LAMA4: variants seen among roughly 807,000 people sequenced by gnomAD.
LAMA4 encodes laminin subunit alpha-4.
A neutral mutation model predicts 207.1 loss-of-function variants in LAMA4; 127 were observed. That is an observed-to-expected ratio of 0.61 (90% CI 0.53 to 0.71). The LOEUF is 0.71. Ranked by LOEUF, LAMA4 falls within the 30% of genes least tolerant of loss-of-function variation. The probability of loss-of-function intolerance (pLI) is 0.00; values close to 1 mark genes in which losing one functional copy is unlikely to be tolerated. For missense variants in LAMA4, 2,093 were observed against 2,246.5 expected, an observed-to-expected ratio of 0.93 and a Z score of 1.38; for synonymous variants, 761 against 816.0, an observed-to-expected ratio of 0.93 and a Z score of 1.15.
chr6:112,212,302 C>T (rs1784395195), intron 3 of LAMA4, among the ~76,000 whole-genome samples: 1 of 151,134 alleles, frequency 6.6e-6, no homozygotes, highest in African/African-American at 2.4e-5. Flanking sequence ...TGGCTTACTG[C>T]AACCTCCACT....
At chr6:112,135,311 G>T (rs1554331236) in intron 25 of LAMA4, among the ~76,000 whole-genome samples, 1 of 152,134 alleles carries the variant, frequency 6.6e-6, no homozygotes, top group Non-Finnish European at 1.5e-5. Context: ...GACCCCTATT[G>T]TATTCCCAAG....
At position 112,129,936 on chromosome 6, in the gene LAMA4, G is replaced by A. The variant is rs1554329055; in HGVS notation, c.4073C>T (p.Ser1358Leu). Residue 1358 changes from serine (S) to leucine (L), a missense_variant, in exon 30 of 39, where the codon TCA becomes TTA. By Grantham distance (145) the Ser-to-Leu change is moderately radical (BLOSUM62 -2). This residue lies in a region of LAMA4 where 1,704 missense variants were observed against 1,788.4 expected (regional missense o/e 0.95). Coordinates refer to ENST00000230538, the MANE Select transcript of LAMA4 (RefSeq NM_001105206.3). ...ATTAGCATACTGAGCACTGATTGGT[G>A]AGCCACCGAAGTAAAACTTCTTTTC... ...ASEKKFYFGG[S>L]PISAQYANFT... 6.2e-7 allele frequency: 1 copy of A among 1,612,942 alleles called. No homozygotes were observed. Among genetic ancestry groups the A allele is most frequent in the Admixed American group, 1.7e-5 (1 of 59,858 alleles).
chr6:112,166,915 G>C (rs971404), intron 12 of LAMA4, among the ~76,000 whole-genome samples: 1 of 151,900 alleles, frequency 6.6e-6, no homozygotes, highest in African/African-American at 2.4e-5. Flanking sequence ...AACAGCAACA[G>C]CAACAAAAAC....
intron 2 of LAMA4, among the ~76,000 whole-genome samples, chr6:112,237,649 G>A (rs1377250590): frequency 6.6e-6 from 1 of 152,220 alleles, no homozygotes; most frequent in Admixed American, 6.5e-5. Flanking sequence ...GGTCTCTGCA[G>A]AGACTTCTCT....
At position 112,117,232 on chromosome 6, in the gene LAMA4, G is replaced by A. The variant is rs1778072739; in HGVS notation, c.4981+507C>T. Among the ~76,000 whole-genome samples the A allele has an allele frequency of 1.3e-5, 2 of 152,104 alleles. No homozygotes were observed. Among genetic ancestry groups the A allele is most frequent in the South Asian group, 2.1e-4 (1 of 4,818 alleles). ...TGTTATGTCCCATCATCTGGCATAGGGACTGCCTTATGGGAGGCATACAAT... is the reference window on the plus strand; with the variant it reads ...TGTTATGTCCCATCATCTGGCATAGAGACTGCCTTATGGGAGGCATACAAT... On this transcript the variant is annotated intron_variant, in intron 35 of 38. Transcript: ENST00000230538. The surrounding 1 kb of genome is among the most constrained non-coding windows in gnomAD (Gnocchi z 4.5).
In LAMA4 at chr6:112,254,523, C is replaced by G. The variant is rs1334727508; in HGVS notation, c.-206G>C. ...GCCAGCGCTAGGCCACCTCCTCTCCCTGGCCGTTCGGGACTGGGGACTGCG... is the reference window on the plus strand; with the variant it reads ...GCCAGCGCTAGGCCACCTCCTCTCCGTGGCCGTTCGGGACTGGGGACTGCG... On this transcript the variant is annotated 5_prime_UTR_variant, in exon 1 of 39. Coordinates refer to ENST00000230538, the MANE Select transcript of LAMA4 (RefSeq NM_001105206.3). The G allele has an allele frequency of 2.5e-5, 9 of 358,722 alleles. No homozygotes were observed. The East Asian group carries it at 6.4e-4, about 26-fold the overall frequency. 22.2% of individuals were successfully genotyped at this position (358,722 alleles called of 1,614,324 possible).
chr6:112,246,090 T>C (rs1786899600), intron 2 of LAMA4, among the ~76,000 whole-genome samples: 2 of 152,198 alleles, frequency 1.3e-5, no homozygotes, highest in African/African-American at 2.4e-5. Context: ...CAAACATCTG[T>C]GGTTAAACTT....
intron 8 of LAMA4, chr6:112,186,752 AT>A (rs1562708597): frequency 4.5e-6 from 2 of 449,048 alleles, no homozygotes; most frequent in Non-Finnish European, 8.9e-6. Flanking sequence ...TTGTTGCATT[AT>A]TTTTTATTGT....
intron 5 of LAMA4, chr6:112,200,002 G>A (rs1554351668): frequency 8.6e-6 from 4 of 463,860 alleles, no homozygotes; most frequent in African/African-American, 6.1e-5. Flanking sequence ...TAAACACAAT[G>A]GTGAGGCCAA....
chr6:112,152,200 T>C (rs1269848725), intron 16 of LAMA4, among the ~76,000 whole-genome samples: 1 of 152,140 alleles, frequency 6.6e-6, no homozygotes, highest in Admixed American at 6.5e-5. Context: ...TTTTCTATTT[T>C]CTAGAAGAGC....
chr6:112,133,948 T>G (rs1178887146), intron 26 of LAMA4, among the ~76,000 whole-genome samples: 25 of 152,334 alleles, frequency 1.6e-4, no homozygotes, highest in African/African-American at 6.0e-4. Context: ...ACACAGGTCT[T>G]CAGACTTTTA....
rs1554334147 is a variant in LAMA4 at position 112,144,868 on chromosome 6, G to T, written c.2419C>A (p.Pro807Thr). 3.1e-6 allele frequency: 5 copies of T among 1,613,908 alleles called. No homozygotes were observed. The highest frequency in any genetic ancestry group is 1.3e-5 in the African/African-American group (1 of 74,940). Residue 807 changes from proline (P) to threonine (T), a missense_variant, in exon 19 of 39, where the codon CCT (proline) becomes ACT (threonine). Pro to Thr is a conservative substitution (Grantham distance 38). Coordinates refer to ENST00000230538, the MANE Select transcript of LAMA4 (RefSeq NM_001105206.3). ...DQLRTVEQKR[P>T]ASNVSASIQR... ...ATGCTGGCAGAAACGTTGCTTGCAG[G>T]TCGCTTCTGCTCAACCGTACGAAGC...
chr6:112,250,263 A>T (rs1787343553), intron 2 of LAMA4, among the ~76,000 whole-genome samples: 1 of 152,234 alleles, frequency 6.6e-6, no homozygotes, highest in African/African-American at 2.4e-5. Flanking sequence ...AAGAAAGCAG[A>T]TGGTTAAAGA....
At chr6:112,131,328 A>G (rs188667547) in intron 28 of LAMA4, among the ~76,000 whole-genome samples, 121 of 152,254 alleles carry the variant, frequency 7.9e-4, no homozygotes, top group Middle Eastern at 3.4e-3. Context: ...TATATTTCCA[A>G]CTGAAAATTT....
chr6:112,191,497 C>T, intron 6 of LAMA4, 139 bp downstream of exon 6: 2 of 704,058 alleles, frequency 2.8e-6, no homozygotes, highest in East Asian at 5.4e-5. Flanking sequence ...GATGCATATT[C>T]CTGAGAATGT....
Position 112,254,264 on chromosome 6 carries a change from T to A in LAMA4, c.-114A>T. Reference sequence around the variant, plus strand: ...TATTTTCCCTCCTCTCCGTGTGCAGTATCCCGAGGTGGCTGCGCAACCAGC... The same window carrying A: ...TATTTTCCCTCCTCTCCGTGTGCAGAATCCCGAGGTGGCTGCGCAACCAGC... On this transcript the variant is annotated 5_prime_UTR_variant, in exon 2 of 39. Coordinates refer to ENST00000230538, the MANE Select transcript of LAMA4 (RefSeq NM_001105206.3). The A allele has an allele frequency of 7.5e-7, 1 of 1,337,118 alleles. No homozygotes were observed. The highest frequency in any genetic ancestry group is 1.1e-6 in the Non-Finnish European group (1 of 946,594). 82.8% of individuals were successfully genotyped at this position (1,337,118 alleles called of 1,614,324 possible).
At chr6:112,241,190 T>TATGAATATATAG (rs1786471864) in intron 2 of LAMA4, among the ~76,000 whole-genome samples, 1 of 140,544 alleles carries the variant, frequency 7.1e-6, no homozygotes, top group African/African-American at 2.6e-5. Flanking sequence ...TGAATATATA[T>TATGAATATATAG]GAATATATAT....
At chr6:112,212,805 C>T (rs1162025160) in intron 3 of LAMA4, among the ~76,000 whole-genome samples, 1 of 152,182 alleles carries the variant, frequency 6.6e-6, no homozygotes, top group Non-Finnish European at 1.5e-5. Context: ...TAATCAGTTT[C>T]TTCCTGTTCT....
Position 112,148,187 on chromosome 6 carries a change from T to C in LAMA4, c.2323A>G (p.Asn775Asp). ...TCCCTAGCAGAGTTCACTGCAGTGT[T>C]GTAAGCAGAAGAGTCAAAATGTTGA... ...NLQHFDSSAY[N>D]TAVNSARDAV... The change falls in exon 18 of 39, where the codon AAC becomes GAC. Residue 775 changes from asparagine (N) to aspartate (D), a missense_variant. Physicochemically the swap from Asn to Asp is conservative, Grantham distance 23 (BLOSUM62 1). This residue lies in a region of LAMA4 where 1,704 missense variants were observed against 1,788.4 expected (regional missense o/e 0.95). Coordinates refer to ENST00000230538, the MANE Select transcript of LAMA4 (RefSeq NM_001105206.3). 6.2e-7 allele frequency: 1 copy of C among 1,614,206 alleles called. No individual in the cohort carries two copies. The highest frequency in any genetic ancestry group is 1.1e-5 in the South Asian group (1 of 91,084).
Sources: allele counts gnomAD v4.1 joint callset (sites outside exome capture counted in the v4.1 genomes callset), GRCh38; gene constraint gnomAD v4.1.1; regional missense constraint gnomAD v4.1.1; non-coding constraint Gnocchi (gnomAD v3.1); transcripts MANE v1.5; gene names NCBI Gene and HGNC (gene_info 2026-07-23, HGNC 2026-07-21).